The following LAMA1 variants were observed in gnomAD, a reference collection of about 807,000 sequenced individuals.
LAMA1 encodes laminin subunit alpha 1.
A neutral mutation model predicts 348.7 loss-of-function variants in LAMA1; 219 were observed. The observed-to-expected ratio is 0.63, with a 90% CI of 0.56 to 0.70. LAMA1 has a LOEUF of 0.70. LAMA1 is among the 30% of genes least tolerant of loss of function. The probability of loss-of-function intolerance (pLI) is 0.00; values close to 1 mark genes in which losing one functional copy is unlikely to be tolerated. For synonymous variants in LAMA1, 1,487 were observed against 1,491.0 expected (o/e 1.00, Z 0.06); for missense variants, 3,744 against 3,888.0 (o/e 0.96, Z 0.99).
intron 42 of LAMA1, 129 bp downstream of exon 42, chr18:6,980,392 T>G: frequency 1.5e-6 from 1 of 680,138 alleles, no homozygotes. Flanking sequence ...AAGTAAAAAT[T>G]TTGCCAATCT....
In LAMA1 at chr18:6,950,826, T is replaced by C. The variant is rs894892899; in HGVS notation, c.8353A>G (p.Lys2785Glu). The C allele has an allele frequency of 1.9e-6, 3 of 1,614,142 alleles. No homozygotes were observed. The highest frequency in any genetic ancestry group is 2.5e-6 in the Non-Finnish European group (3 of 1,180,008). ...FMFDLGKGRT[K>E]VSHPALLSDG... is the part of the protein sequence containing the mutation. Reference sequence around the variant, plus strand: ...CTGAGCAGTGCAGGGTGAGAGACCTTTGTTCTGCCTTTGCCAAGGTCAAAC... The same window carrying C: ...CTGAGCAGTGCAGGGTGAGAGACCTCTGTTCTGCCTTTGCCAAGGTCAAAC... The change falls in exon 58 of 63, where the codon AAG becomes GAG. Residue 2785 changes from lysine to glutamate, a missense_variant. Transcript: ENST00000389658.
chr18:7,077,274 T>A (rs913154858), intron 3 of LAMA1, among the ~76,000 whole-genome samples: 3 of 148,136 alleles, frequency 2.0e-5, no homozygotes, highest in Non-Finnish European at 3.0e-5. Context: ...CAGTCTCGGC[T>A]CACTGCAAGC....
intron 5 of LAMA1, among the ~76,000 whole-genome samples, chr18:7,047,564 TA>T (rs1369024782): frequency 1.3e-5 from 2 of 152,196 alleles, no homozygotes; most frequent in East Asian, 3.9e-4. Flanking sequence ...TAGCAGGCTT[TA>T]TTTTTTTTGC....
chr18:7,057,477 T>TC (rs1568049717), intron 3 of LAMA1, among the ~76,000 whole-genome samples: 1 of 118,750 alleles, frequency 8.4e-6, no homozygotes, highest in Non-Finnish European at 1.5e-5. Context: ...TTTTCTTTTT[T>TC]TTTTTTTTTT....
chr18:7,000,771 T>C lies in LAMA1; in HGVS notation c.4383-774A>G, dbSNP rs1173858868. Among the ~76,000 whole-genome samples the C allele has an allele frequency of 4.6e-5, 7 of 152,302 alleles. No homozygotes were observed. In the East Asian group the frequency reaches 1.3e-3, roughly 29 times the overall value. On this transcript the variant is annotated intron_variant, in intron 30 of 62. Transcript: ENST00000389658. The stretch of plus-strand genomic sequence containing the variant: ...AGAGCCAAGTCTGGTTCCTTTTCGT[T>C]AGCAAGATGAAGTTTCCAGCGTCAG...
In LAMA1 at chr18:6,985,285, G is replaced by A. The variant is rs1252978593; in HGVS notation, c.5612C>T (p.Ala1871Val). 6.2e-7 allele frequency: 1 copy of A among 1,614,076 alleles called. No individual in the cohort carries two copies. Among genetic ancestry groups the A allele is most frequent in the East Asian group, 2.2e-5 (1 of 44,888 alleles). The change falls in exon 39 of 63, where the codon GCT becomes GTT. Residue 1871 changes from alanine (A) to valine (V), a missense_variant. This residue lies in a region of LAMA1 where 1,983 missense variants were observed against 1,934.3 expected (regional missense o/e 1.03). Coordinates refer to ENST00000389658, the MANE Select transcript of LAMA1 (RefSeq NM_005559.4). ...CTGGAACTCAGCGGCATGGTCCTCA[G>A]CTCTGTAGACCAGGTCGACTGCGTT... Reference protein sequence around the residue: ...QRNAVDLVYRAEDHAAEFQRL... With the variant: ...QRNAVDLVYRVEDHAAEFQRL...
chr18:7,112,641 A>T lies in LAMA1; in HGVS notation c.61+5019T>A, dbSNP rs923093576. ...ATATGTATTTTATATATATATATAC[A>T]TTTTTTTTTTTTGAGACAGAGTTTC... On this transcript the variant is annotated intron_variant, in intron 1 of 62. Transcript: ENST00000389658. Among the ~76,000 whole-genome samples the T allele has an allele frequency of 2.1e-4, 31 of 145,038 alleles. 1 individual carries two copies. The South Asian group carries it at 3.5e-3, about 16-fold the overall frequency.
intron 33 of LAMA1, 40 bp downstream of exon 33, chr18:6,997,702 G>T: frequency 6.2e-7 from 1 of 1,600,068 alleles, no homozygotes; most frequent in Non-Finnish European, 8.6e-7. Context: ...ATCCCTTAAT[G>T]ATACAAGTGT....
intron 1 of LAMA1, among the ~76,000 whole-genome samples, chr18:7,094,620 T>G (rs1469518403): frequency 6.6e-6 from 1 of 152,050 alleles, no homozygotes; most frequent in African/African-American, 2.4e-5. Context: ...CATCCAAGTC[T>G]TGGAGACCTT....
chr18:7,105,624 G>C (rs529640502), intron 1 of LAMA1, among the ~76,000 whole-genome samples: 37 of 152,234 alleles, frequency 2.4e-4, no homozygotes, highest in South Asian at 8.3e-4. Context: ...CAAAGAAAAG[G>C]CTCCTGTGAC....
intron 35 of LAMA1, 111 bp from the exon 36 acceptor site, chr18:6,992,831 T>C (rs767093639): frequency 1.4e-4 from 124 of 888,770 alleles, no homozygotes; most frequent in Non-Finnish European, 2.0e-4. Flanking sequence ...CTAAGCTGAG[T>C]TGGACCTCCA....
chr18:7,101,728 T>C (rs941313562), intron 1 of LAMA1, among the ~76,000 whole-genome samples: 2 of 152,154 alleles, frequency 1.3e-5, no homozygotes, highest in Admixed American at 1.3e-4. Context: ...AATATAGTGG[T>C]GCAATCATAG....
chr18:6,988,620 T>A (rs1159751646), intron 36 of LAMA1, among the ~76,000 whole-genome samples: 1 of 152,016 alleles, frequency 6.6e-6, no homozygotes, highest in Non-Finnish European at 1.5e-5. Context: ...GCCAACATGG[T>A]GAAACCCTGT....
At chr18:6,958,083 A>T (rs570728847) in intron 55 of LAMA1, among the ~76,000 whole-genome samples, 1 of 152,264 alleles carries the variant, frequency 6.6e-6, no homozygotes, top group East Asian at 1.9e-4. Flanking sequence ...TTTTTGGGGA[A>T]GCCATTGATA....
intron 57 of LAMA1, among the ~76,000 whole-genome samples, chr18:6,953,205 G>A (rs139956137): frequency 0.014 from 2,033 of 149,734 alleles, 31 homozygotes; most frequent in Middle Eastern, 0.034. Context: ...ATGTCTGCCC[G>A]TGTCCAGCGG....
chr18:7,041,826 C>T (rs889535635), intron 9 of LAMA1, among the ~76,000 whole-genome samples: 1 of 152,228 alleles, frequency 6.6e-6, no homozygotes, highest in Non-Finnish European at 1.5e-5. Flanking sequence ...ATTGTCACCT[C>T]ATTACCCCAT....
chr18:6,949,498 A>G (rs1310688264), intron 58 of LAMA1, among the ~76,000 whole-genome samples: 1 of 152,242 alleles, frequency 6.6e-6, no homozygotes, highest in Non-Finnish European at 1.5e-5. Flanking sequence ...GAAATCTGAC[A>G]TAGAAAAATG....
At position 7,086,669 on chromosome 18, in the gene LAMA1, A is replaced by G. The variant is rs191145149; in HGVS notation, c.62-6212T>C. ...GTGTCTGGCTCGCGTGAATGACGAT[A>G]ATGCCTGAGTGGAAGAATGAGTAAG... is the stretch of plus-strand genomic sequence containing the variant. On this transcript the variant is annotated intron_variant, in intron 1 of 62. Transcript: ENST00000389658. Among the ~76,000 whole-genome samples the G allele has an allele frequency of 8.5e-5, 13 of 152,292 alleles. No homozygotes were observed. In the East Asian group the frequency reaches 2.3e-3, roughly 27 times the overall value.
At chr18:6,960,243 C>G (rs190339791) in intron 53 of LAMA1, 1 of 154,130 alleles carries the variant, frequency 6.5e-6, no homozygotes, top group Admixed American at 6.4e-5. Context: ...AGCATTTATT[C>G]ATAATAGCTA....
Sources: allele counts gnomAD v4.1 joint callset (sites outside exome capture counted in the v4.1 genomes callset), GRCh38; gene constraint gnomAD v4.1.1; regional missense constraint gnomAD v4.1.1; transcripts MANE v1.5; gene names NCBI Gene and HGNC (gene_info 2026-07-23, HGNC 2026-07-21).